Variants in CYTH4 observed in about 807,000 individuals in gnomAD.
The protein encoded by CYTH4 is cytohesin 4, also known as cytohesin-4.
Under a neutral mutation model 57.5 loss-of-function variants are expected in CYTH4, and 22 were observed. The observed-to-expected ratio is 0.38, with a 90% CI of 0.27 to 0.55. CYTH4 has a LOEUF of 0.55. CYTH4 is among the 20% of genes least tolerant of loss of function. CYTH4 has a pLI of 0.74. For missense variants in CYTH4, 420 were observed against 535.6 expected (o/e 0.78, Z 2.13); for synonymous variants, 186 against 206.5 (o/e 0.90, Z 0.85).
rs749033596 is a variant in CYTH4, at chr22:37,311,520, A to C, written c.950A>C (p.Lys317Thr). 1 of 1,613,998 alleles carries C rather than the reference A, an allele frequency of 6.2e-7. No individual in the cohort carries two copies. Among genetic ancestry groups the C allele is most frequent in the Non-Finnish European group, 8.5e-7 (1 of 1,179,996 alleles). The change falls in exon 11 of 13, where the codon AAG becomes ACG. Residue 317 changes from lysine to threonine, a missense_variant. Lys to Thr is a moderately conservative substitution (Grantham distance 78). Transcript: ENST00000248901. The surrounding 1 kb of genome is among the most constrained non-coding windows in gnomAD (Gnocchi z 4.4). ...NLSVQKVDDPKKPFCLELYNP... is the reference protein window; with the variant it reads ...NLSVQKVDDPTKPFCLELYNP... ...TCGGTGCAGAAGGTGGATGACCCCA[A>C]GAAGCCAGTAGGTGTTCAGGTTGCA...
At chr22:37,307,906 A>T (rs1453198385) in intron 8 of CYTH4, among the ~76,000 whole-genome samples, 1 of 152,186 alleles carries the variant, frequency 6.6e-6, no homozygotes, top group African/African-American at 2.4e-5. Flanking sequence ...CACCTTGCCC[A>T]CAGGGAACTC....
Position 37,309,168 on chromosome 22 carries a change from G to A in CYTH4, c.697-44G>A, listed in dbSNP as rs9619670. 3.8e-6 allele frequency: 6 copies of A among 1,589,764 alleles called. No individual in the cohort carries two copies. In the African/African-American group the frequency reaches 8.1e-5, roughly 21 times the overall value. On this transcript the variant is annotated intron_variant, in intron 8 of 12. Transcript: ENST00000248901. Reference sequence around the variant, plus strand: ...AGGCCAGGCCTAGGCCTTGGACTCGGGTGGACTCACAGCCAGGTCTTTCTC... The same window carrying A: ...AGGCCAGGCCTAGGCCTTGGACTCGAGTGGACTCACAGCCAGGTCTTTCTC...
At position 37,295,037 on chromosome 22, in the gene CYTH4, G is replaced by A. The variant is rs965605508; in HGVS notation, c.167+313G>A. Among the ~76,000 whole-genome samples the A allele has an allele frequency of 1.3e-5, 2 of 152,036 alleles. No homozygotes were observed. The highest frequency in any genetic ancestry group is 4.8e-5 in the African/African-American group (2 of 41,384). On this transcript the variant is annotated intron_variant, in intron 3 of 12. Coordinates refer to ENST00000248901, the MANE Select transcript of CYTH4 (RefSeq NM_013385.5). The surrounding 1 kb of genome is among the most constrained non-coding windows in gnomAD (Gnocchi z 4.1). ...CCACATCCACCCTGGGATGGGCGGGGAGAAGGGAAGCTCAGCCCCAAGGGC... is the reference window on the plus strand; with the variant it reads ...CCACATCCACCCTGGGATGGGCGGGAAGAAGGGAAGCTCAGCCCCAAGGGC...
chr22:37,291,534 G>A (rs1033373476), intron 1 of CYTH4, among the ~76,000 whole-genome samples: 1 of 152,210 alleles, frequency 6.6e-6, no homozygotes, highest in African/African-American at 2.4e-5. Flanking sequence ...GAGTACAGGA[G>A]CGGCCTGGGC....
chr22:37,312,408 T>G (rs1017156291), intron 12 of CYTH4, among the ~76,000 whole-genome samples: 3 of 152,170 alleles, frequency 2.0e-5, no homozygotes, highest in Non-Finnish European at 4.4e-5. Context: ...GGTGGGAGAA[T>G]AGAGCAAAGA....
At chr22:37,283,556 C>G (rs952568423) in intron 1 of CYTH4, among the ~76,000 whole-genome samples, 23 of 152,132 alleles carry the variant, frequency 1.5e-4, no homozygotes. Flanking sequence ...CTGGGCATCC[C>G]CCTTCCTCCC....
intron 7 of CYTH4, among the ~76,000 whole-genome samples, chr22:37,301,309 G>C (rs1462779113): frequency 6.6e-6 from 1 of 152,206 alleles, no homozygotes; most frequent in Non-Finnish European, 1.5e-5. Context: ...GCATGTCCAA[G>C]ATGGCTTCTC....
At chr22:37,297,276 C>T (rs1929009123) in intron 4 of CYTH4, among the ~76,000 whole-genome samples, 1 of 152,100 alleles carries the variant, frequency 6.6e-6, no homozygotes, top group South Asian at 2.1e-4. Context: ...GTCACTGAAG[C>T]ATATAATCAA....
At chr22:37,282,772 GC>G (rs1297911793) in intron 1 of CYTH4, among the ~76,000 whole-genome samples, 184 bp downstream of exon 1, 1 of 152,258 alleles carries the variant, frequency 6.6e-6, no homozygotes, top group Non-Finnish European at 1.5e-5. Context: ...TGGACACACA[GC>G]AGTAGCAAAG....
In CYTH4 at chr22:37,314,629, A is replaced by G. The variant is rs561384793; in HGVS notation, c.*1118A>G. The G allele has an allele frequency of 5.1e-6, 2 of 389,956 alleles. No individual in the cohort carries two copies. Among genetic ancestry groups the G allele is most frequent in the Non-Finnish European group, 9.0e-6 (2 of 221,240 alleles). 24.2% of individuals were successfully genotyped at this position (389,956 alleles called of 1,614,324 possible). A position where few individuals can be genotyped will look rare whatever the true frequency, so the allele number is the denominator to read the frequency against. ...CCAGCATCTCGAGACCCTCTGCAGA[A>G]GTATTATCAGAGTAGAGCTGACTTC... On this transcript the variant is annotated 3_prime_UTR_variant, in exon 13 of 13. Coordinates refer to ENST00000248901, the MANE Select transcript of CYTH4 (RefSeq NM_013385.5).
At position 37,313,481 on chromosome 22, in the gene CYTH4, T is replaced by C; in HGVS notation, c.1155T>C (p.Thr385=). ...TRVPFYDLVS[T]RKKKIASKQ ...TCCCCTTCTACGACCTGGTCTCTACTCGGAAGAAGAAGATTGCCAGCAAGC... is the reference window on the plus strand; with the variant it reads ...TCCCCTTCTACGACCTGGTCTCTACCCGGAAGAAGAAGATTGCCAGCAAGC... The change falls in exon 13 of 13, where the codon ACT becomes ACC. Residue 385 remains threonine (T), a synonymous_variant. Coordinates refer to ENST00000248901, the MANE Select transcript of CYTH4 (RefSeq NM_013385.5). 2 of 1,614,148 alleles carry C rather than the reference T, an allele frequency of 1.2e-6. No individual in the cohort carries two copies. Among genetic ancestry groups the C allele is most frequent in the Non-Finnish European group, 1.7e-6 (2 of 1,180,006 alleles).
rs896522354 is a variant in CYTH4 at position 37,299,983 on chromosome 22, T to A, written c.434+677T>A. On this transcript the variant is annotated intron_variant, in intron 6 of 12. Transcript: ENST00000248901. Reference sequence around the variant, plus strand: ...TCCAGCCTGGGCAACAGAGTGAGGCTCTGTCTCACAAAAAAATAAATAAAC... The same window carrying A: ...TCCAGCCTGGGCAACAGAGTGAGGCACTGTCTCACAAAAAAATAAATAAAC... The A allele has an allele frequency of 1.1e-5, 8 of 705,372 alleles. No individual in the cohort carries two copies. The African/African-American group carries it at 1.2e-4, about 11-fold the overall frequency. 43.7% of individuals were successfully genotyped at this position (705,372 alleles called of 1,614,324 possible). A position where few individuals can be genotyped will look rare whatever the true frequency, so the allele number is the denominator to read the frequency against.
At chr22:37,310,914 C>A in intron 9 of CYTH4, 74 bp from the exon 10 acceptor site, 1 of 1,533,230 alleles carries the variant, frequency 6.5e-7, no homozygotes, top group Non-Finnish European at 9.0e-7. Context: ...CATCCGAGGA[C>A]CTGCCCTTCC....
intron 9 of CYTH4, among the ~76,000 whole-genome samples, chr22:37,309,713 G>A (rs1197892028): frequency 1.3e-5 from 2 of 152,186 alleles, no homozygotes; most frequent in African/African-American, 4.8e-5. Context: ...CCCTACAGCC[G>A]AACAGTAAAG....
chr22:37,300,656 G>A (rs2145863608), intron 6 of CYTH4, among the ~76,000 whole-genome samples: 1 of 152,380 alleles, frequency 6.6e-6, no homozygotes, highest in Admixed American at 6.5e-5. Context: ...TGCAGTCAGT[G>A]CTGGGATTCA....
In CYTH4 at chr22:37,292,697, C is replaced by T. The variant is rs914600368; in HGVS notation, c.96C>T (p.Asp32=). Residue 32 remains aspartate (D), a synonymous_variant, in exon 2 of 13, where the codon GAC becomes GAT. Coordinates refer to ENST00000248901, the MANE Select transcript of CYTH4 (RefSeq NM_013385.5). ...GGCACCGAAAGCAGCTCCTGGAGGA[C>T]ATCCAGGTGAGTGCACACTCGTGTC... The part of the protein sequence containing the change: ...IKWHRKQLLE[D]IQKLKDEIAD... 3 of 1,613,584 alleles carry T rather than the reference C, an allele frequency of 1.9e-6. No homozygotes were observed. The highest frequency in any genetic ancestry group is 1.7e-6 in the Non-Finnish European group (2 of 1,179,922).
rs1207375777 is a variant in CYTH4 at position 37,301,030 on chromosome 22, G to C, written c.547+11G>C. On this transcript the variant is annotated intron_variant, in intron 7 of 12. Transcript: ENST00000248901. ...TCTTCCAGTCCACAGGTGCCAGGAGGGGAGTGGGACCCAGGGCTCCGGGAC... is the reference window on the plus strand; with the variant it reads ...TCTTCCAGTCCACAGGTGCCAGGAGCGGAGTGGGACCCAGGGCTCCGGGAC... 2 of 1,610,650 alleles carry C rather than the reference G, an allele frequency of 1.2e-6. No individual in the cohort carries two copies. The highest frequency in any genetic ancestry group is 1.7e-6 in the Non-Finnish European group (2 of 1,177,236).
In CYTH4 at chr22:37,299,301, C is replaced by T; in HGVS notation, c.429C>T (p.Ala143=). The change falls in exon 6 of 13, where the codon GCC becomes GCT. Residue 143 remains alanine, a synonymous_variant. Transcript: ENST00000248901. ...HEFANLNLVQ[A]LRQFLWSFRL... is the part of the protein sequence containing the mutation. ...TCGCCAACCTCAACCTCGTCCAGGC[C>T]CTCAGGTGAGTAGTCCTGGGGCAGG... 1 of 1,614,114 alleles carries T rather than the reference C, an allele frequency of 6.2e-7. No individual in the cohort carries two copies. The highest frequency in any genetic ancestry group is 8.5e-7 in the Non-Finnish European group (1 of 1,180,002).
Position 37,298,979 on chromosome 22 carries a change from A to T in CYTH4, c.354-247A>T, listed in dbSNP as rs1050978589. 1.3e-5 allele frequency among the ~76,000 whole-genome samples: 2 copies of T among 152,170 alleles called. No individual in the cohort carries two copies. The highest frequency in any genetic ancestry group is 2.9e-5 in the Non-Finnish European group (2 of 68,012). On this transcript the variant is annotated intron_variant, in intron 5 of 12. Coordinates refer to ENST00000248901, the MANE Select transcript of CYTH4 (RefSeq NM_013385.5). The surrounding 1 kb of genome is among the most constrained non-coding windows in gnomAD (Gnocchi z 4.1). ...CTGAGGGCAAGGCCGCTCCAAAGCC[A>T]GGGCTCCCCTCCCAGGCCAGACCAG...
Sources: allele counts gnomAD v4.1 joint callset (sites outside exome capture counted in the v4.1 genomes callset), GRCh38; gene constraint gnomAD v4.1.1; non-coding constraint Gnocchi (gnomAD v3.1); transcripts MANE v1.5; gene names NCBI Gene and HGNC (gene_info 2026-07-23, HGNC 2026-07-21).